Variants in ZC3H7B observed in about 807,000 individuals in gnomAD.
ZC3H7B encodes the protein zinc finger CCCH domain-containing protein 7B.
In ZC3H7B, 35 loss-of-function variants were observed where a neutral mutation model predicts 116.0. The observed-to-expected ratio is 0.30, with a 90% CI of 0.23 to 0.40. The LOEUF is 0.40. Ranked by LOEUF, ZC3H7B falls within the 10% of genes least tolerant of loss-of-function variation. ZC3H7B has a pLI of 1.00. For synonymous variants in ZC3H7B, 502 were observed against 545.6 expected, an observed-to-expected ratio of 0.92 and a Z score of 1.11; for missense variants, 1,011 against 1,321.5, an observed-to-expected ratio of 0.77 and a Z score of 3.64.
chr22:41,317,128 G>A (rs58144661), intron 1 of ZC3H7B, among the ~76,000 whole-genome samples: 2 of 151,884 alleles, frequency 1.3e-5, no homozygotes, highest in Non-Finnish European at 2.9e-5. Context: ...GTGAGCCACC[G>A]TGCCTGGCCC....
Position 41,357,059 on chromosome 22 carries a change from G to C in ZC3H7B, c.2682-118G>C, listed in dbSNP as rs111807431. The C allele has an allele frequency of 2.3e-4, 344 of 1,496,164 alleles. 2 individuals carry two copies. In the African/African-American group the frequency reaches 4.1e-3, roughly 18 times the overall value. 92.7% of individuals were successfully genotyped at this position (1,496,164 alleles called of 1,614,324 possible). ...GGACACCCAGGTTTTCCCTGAGCTG[G>C]GACCCAGCTGCCCAGGGAGAGGCTT... On this transcript the variant is annotated intron_variant, in intron 22 of 22. Transcript: ENST00000352645. The surrounding 1 kb of genome is among the most constrained non-coding windows in gnomAD (Gnocchi z 5.4).
At position 41,325,700 on chromosome 22, in the gene ZC3H7B, T is replaced by G. The variant is rs751129927; in HGVS notation, c.88-21T>G. 7 of 1,610,144 alleles carry G rather than the reference T, an allele frequency of 4.3e-6. No homozygotes were observed. In the South Asian group the frequency reaches 7.8e-5, roughly 18 times the overall value. On this transcript the variant is annotated intron_variant, in intron 3 of 22. Coordinates refer to ENST00000352645, the MANE Select transcript of ZC3H7B (RefSeq NM_017590.6). ...CTGGGGCCAGAGGTCATGAGCCCCC[T>G]ACACACCTTGCCCCCAACAGGCCTT... is the stretch of plus-strand genomic sequence containing the variant.
chr22:41,321,002 A>G (rs116139917), intron 2 of ZC3H7B, among the ~76,000 whole-genome samples: 2,184 of 152,184 alleles, frequency 0.014, 54 homozygotes, highest in African/African-American at 0.05. Context: ...CTCTTGCATG[A>G]CTGCACGAGT....
rs893633035 is a variant in ZC3H7B at position 41,302,007 on chromosome 22, G to T, written c.-7+235G>T. 6.6e-6 allele frequency among the ~76,000 whole-genome samples: 1 copy of T among 152,152 alleles called. No homozygotes were observed. Among genetic ancestry groups the T allele is most frequent in the Non-Finnish European group, 1.5e-5 (1 of 68,010 alleles). On this transcript the variant is annotated intron_variant, in intron 1 of 22. Transcript: ENST00000352645. The surrounding 1 kb of genome is among the most constrained non-coding windows in gnomAD (Gnocchi z 5.7). ...CCTTTTTGGGGATCCCGGTCCCCGTGCCCTGCCCCAAAGTTTAAAAGTTAC... is the reference window on the plus strand; with the variant it reads ...CCTTTTTGGGGATCCCGGTCCCCGTTCCCTGCCCCAAAGTTTAAAAGTTAC...
At chr22:41,348,213 G>C (rs1317332273) in intron 15 of ZC3H7B, 46 bp downstream of exon 15, 1 of 1,557,252 alleles carries the variant, frequency 6.4e-7, no homozygotes. Flanking sequence ...GGCCAGTGGA[G>C]AGTCCCCTCA....
chr22:41,305,030 G>A (rs1260086793), intron 1 of ZC3H7B, among the ~76,000 whole-genome samples: 2 of 152,110 alleles, frequency 1.3e-5, no homozygotes, highest in Non-Finnish European at 2.9e-5. Flanking sequence ...CTGGCAACAT[G>A]GTGAAACCCA....
In ZC3H7B at chr22:41,342,601, G is replaced by A. The variant is rs1351736460; in HGVS notation, c.1270G>A (p.Ala424Thr). The A allele has an allele frequency of 1.2e-6, 2 of 1,612,974 alleles. No homozygotes were observed. Among genetic ancestry groups the A allele is most frequent in the East Asian group, 2.2e-5 (1 of 44,880 alleles). Residue 424 changes from alanine to threonine, a missense_variant, in exon 12 of 23, where the codon GCC becomes ACC. Ala to Thr is a moderately conservative substitution (Grantham distance 58, BLOSUM62 0). Transcript: ENST00000352645. ...GGCTGCCACCCACGAGTTCAAGCAGGCCTGCCAGCTCTGCTACCCCAAGAC... is the reference window on the plus strand; with the variant it reads ...GGCTGCCACCCACGAGTTCAAGCAGACCTGCCAGCTCTGCTACCCCAAGAC... ...PLAATHEFKQ[A>T]CQLCYPKTGP...
Position 41,346,294 on chromosome 22 carries a change from G to T in ZC3H7B, c.1665+86G>T, listed in dbSNP as rs890095501. On this transcript the variant is annotated intron_variant, in intron 14 of 22. Transcript: ENST00000352645. The surrounding 1 kb of genome is among the most constrained non-coding windows in gnomAD (Gnocchi z 5.3). ...TCCCTGGCACGGACCACCATAGGAA[G>T]TCAGCCCTGGAACCCGTGGGCTGTG... The T allele has an allele frequency of 2.0e-6, 3 of 1,474,540 alleles. No homozygotes were observed. Among genetic ancestry groups the T allele is most frequent in the African/African-American group, 2.8e-5 (2 of 72,030 alleles). 91.3% of individuals were successfully genotyped at this position (1,474,540 alleles called of 1,614,324 possible).
At chr22:41,332,272 A>T in intron 7 of ZC3H7B, 45 bp downstream of exon 7, 1 of 1,609,974 alleles carries the variant, frequency 6.2e-7, no homozygotes, top group East Asian at 2.2e-5. Context: ...ATCCATTATG[A>T]GAGGTTTGGA....
chr22:41,325,560 A>G lies in ZC3H7B; in HGVS notation c.54-4A>G, dbSNP rs369522153. 6.2e-7 allele frequency: 1 copy of G among 1,609,892 alleles called. No homozygotes were observed. The highest frequency in any genetic ancestry group is 1.3e-5 in the African/African-American group (1 of 74,842). On this transcript the variant is annotated splice_polypyrimidine_tract_variant and splice_region_variant and intron_variant, in intron 2 of 22. Coordinates refer to ENST00000352645, the MANE Select transcript of ZC3H7B (RefSeq NM_017590.6). ...CCAGGCCTCGTGTTTTCTTTTCCTGATAGGTCGACACTACCCCTAAAGCAA... is the reference window on the plus strand; with the variant it reads ...CCAGGCCTCGTGTTTTCTTTTCCTGGTAGGTCGACACTACCCCTAAAGCAA...
At chr22:41,316,596 C>CTTTTTT (rs371933916) in intron 1 of ZC3H7B, among the ~76,000 whole-genome samples, 1 of 98,918 alleles carries the variant, frequency 1.0e-5, no homozygotes, top group Non-Finnish European at 1.9e-5. Context: ...CACACCTGGC[C>CTTTTTT]TTTTTTTTTT....
In ZC3H7B at chr22:41,343,501, G is replaced by C; in HGVS notation, c.1384G>C (p.Glu462Gln). ...CCTGCTCGGCCGGCTCCGGAGCTCG[G>C]AGGACCAGACCTGGAAGCGGATCCG... Reference protein sequence around the residue: ...DILLGRLRSSEDQTWKRIRPR... With the variant: ...DILLGRLRSSQDQTWKRIRPR... The change falls in exon 13 of 23, where the codon GAG (glutamate) becomes CAG (glutamine). Residue 462 changes from glutamate (E) to glutamine (Q), a missense_variant. Coordinates refer to ENST00000352645, the MANE Select transcript of ZC3H7B (RefSeq NM_017590.6). 6.2e-7 allele frequency: 1 copy of C among 1,613,802 alleles called. No individual in the cohort carries two copies. Among genetic ancestry groups the C allele is most frequent in the Non-Finnish European group, 8.5e-7 (1 of 1,179,912 alleles).
At chr22:41,341,057 C>G (rs775820750) in intron 10 of ZC3H7B, 31 bp from the exon 11 acceptor site, 2 of 1,607,008 alleles carry the variant, frequency 1.2e-6, no homozygotes, top group South Asian at 1.1e-5. Flanking sequence ...AGAGCCAGAG[C>G]CACTGACCCC....
rs1023609164 is a variant in ZC3H7B at position 41,327,189 on chromosome 22, A to G, written c.286-17A>G. 1 of 1,613,120 alleles carries G rather than the reference A, an allele frequency of 6.2e-7. No homozygotes were observed. Among genetic ancestry groups the G allele is most frequent in the Non-Finnish European group, 8.5e-7 (1 of 1,179,684 alleles). On this transcript the variant is annotated splice_polypyrimidine_tract_variant and intron_variant, in intron 4 of 22. Transcript: ENST00000352645. This position sits in a 1 kb window ranked among gnomAD's most constrained non-coding sequence, Gnocchi z 4.5. Reference sequence around the variant, plus strand: ...GTAACAGGTGTTGACCAGTGACCACATGCTCCTCTCTGGCAGGGCCTGTAT... The same window carrying G: ...GTAACAGGTGTTGACCAGTGACCACGTGCTCCTCTCTGGCAGGGCCTGTAT...
intron 1 of ZC3H7B, among the ~76,000 whole-genome samples, chr22:41,304,982 C>T (rs143572375): frequency 1.3e-5 from 2 of 152,276 alleles, no homozygotes; most frequent in African/African-American, 2.4e-5. Flanking sequence ...GAAGCCAAGG[C>T]GAGCTGATCA....
At chr22:41,344,343 C>G (rs2036559647) in intron 13 of ZC3H7B, among the ~76,000 whole-genome samples, 1 of 152,172 alleles carries the variant, frequency 6.6e-6, no homozygotes, top group Non-Finnish European at 1.5e-5. Context: ...ACATGTCACT[C>G]TTGGGTCAAA....
At position 41,351,414 on chromosome 22, in the gene ZC3H7B, C is replaced by T; in HGVS notation, c.1949-147C>T. 3.1e-6 allele frequency: 2 copies of T among 645,164 alleles called. No homozygotes were observed. The highest frequency in any genetic ancestry group is 5.6e-5 in the East Asian group (2 of 35,660). 40.0% of individuals were successfully genotyped at this position (645,164 alleles called of 1,614,324 possible). A position where few individuals can be genotyped will look rare whatever the true frequency, so the allele number is the denominator to read the frequency against. ...ATTTTGCAGATGGACAAAGTGGTTC[C>T]CTTGTACCCCATGTCTTACTGTGGC... On this transcript the variant is annotated intron_variant, in intron 16 of 22. Coordinates refer to ENST00000352645, the MANE Select transcript of ZC3H7B (RefSeq NM_017590.6). The surrounding 1 kb of genome is among the most constrained non-coding windows in gnomAD (Gnocchi z 5.1).
At chr22:41,311,001 G>A (rs951563010) in intron 1 of ZC3H7B, among the ~76,000 whole-genome samples, 3 of 151,670 alleles carry the variant, frequency 2.0e-5, no homozygotes, top group Non-Finnish European at 4.4e-5. Context: ...TCCTGACCTC[G>A]TGATCTGCCC....
At position 41,359,037 on chromosome 22, in the gene ZC3H7B, T is replaced by G. The variant is rs2036755487; in HGVS notation, c.*1608T>G. 6.5e-6 allele frequency: 1 copy of G among 153,494 alleles called. No individual in the cohort carries two copies. The highest frequency in any genetic ancestry group is 1.5e-5 in the Non-Finnish European group (1 of 68,226). The allele number at this position is 153,494 out of a possible 1,614,324, so 9.5% of individuals were successfully genotyped here. On this transcript the variant is annotated 3_prime_UTR_variant, in exon 23 of 23. Coordinates refer to ENST00000352645, the MANE Select transcript of ZC3H7B (RefSeq NM_017590.6). ...TCCTCCCGCCGCCACTGCCCAACCT[T>G]TCCTGATAATCGTGGCATGCGCCCT...
Sources: gnomAD v4.1 joint callset for allele counts (sites outside exome capture counted in the v4.1 genomes callset) on GRCh38, gnomAD v4.1.1 for gene constraint, Gnocchi (gnomAD v3.1) non-coding constraint, MANE v1.5 for transcripts, NCBI Gene and HGNC (gene_info 2026-07-23, HGNC 2026-07-21) for gene names.